The following FRY variants were observed in gnomAD, a reference collection of about 807,000 sequenced individuals.
FRY encodes the protein FRY microtubule binding protein, also known as protein furry homolog.
FRY carries 128 observed loss-of-function variants against 348.4 expected under a neutral mutation model. That is an observed-to-expected ratio of 0.37 (90% CI 0.32 to 0.43). FRY has a LOEUF of 0.43. Among genes scored for constraint, FRY ranks in the 20% least tolerant of loss-of-function variants. FRY has a pLI of 1.00. For missense variants in FRY, 2,736 were observed against 3,695.2 expected, an observed-to-expected ratio of 0.74 and a Z score of 6.73; for synonymous variants, 1,370 against 1,374.7, an observed-to-expected ratio of 1.00 and a Z score of 0.08.
At chr13:32,291,181 C>T (rs1380092983) in intron 59 of FRY, among the ~76,000 whole-genome samples, 1 of 152,016 alleles carries the variant, frequency 6.6e-6, no homozygotes, top group African/African-American at 2.4e-5. Context: ...AGAGGAAGAG[C>T]CACAAGAGAC....
intron 41 of FRY, among the ~76,000 whole-genome samples, chr13:32,232,885 G>C (rs1885996005): frequency 6.6e-6 from 1 of 152,102 alleles, no homozygotes; most frequent in Non-Finnish European, 1.5e-5. Flanking sequence ...CTAGCCTTCA[G>C]GTTCATTGTG....
At chr13:32,052,052 T>C (rs1180112831) in intron 1 of FRY, among the ~76,000 whole-genome samples, 1 of 152,228 alleles carries the variant, frequency 6.6e-6, no homozygotes, top group Non-Finnish European at 1.5e-5. Flanking sequence ...TAGGAGGCAA[T>C]CTGGTATAGC....
chr13:32,275,100 C>A, intron 56 of FRY, 109 bp downstream of exon 56: 2 of 1,009,764 alleles, frequency 2.0e-6, no homozygotes, highest in Non-Finnish European at 1.5e-6. Flanking sequence ...ACCTTCTGGC[C>A]GGGTGCGGTG....
intron 1 of FRY, among the ~76,000 whole-genome samples, chr13:32,032,856 C>T (rs1872313825): frequency 6.6e-6 from 1 of 152,152 alleles, no homozygotes; most frequent in Non-Finnish European, 1.5e-5. Context: ...GTATTATGTG[C>T]ATACTGATTA....
chr13:32,039,081 G>A (rs1872655061), intron 1 of FRY, among the ~76,000 whole-genome samples: 1 of 152,178 alleles, frequency 6.6e-6, no homozygotes, highest in African/African-American at 2.4e-5. Context: ...AAATTTTATT[G>A]TGGGAGAATG....
At chr13:32,098,639 G>A (rs1012574147) in intron 2 of FRY, among the ~76,000 whole-genome samples, 7 of 151,990 alleles carry the variant, frequency 4.6e-5, no homozygotes, top group Non-Finnish European at 1.0e-4. Context: ...TAATGAACAA[G>A]TAGAGACAAC....
chr13:32,147,938 C>A lies in FRY; in HGVS notation c.1383C>A (p.Phe461Leu). The A allele has an allele frequency of 6.4e-7, 1 of 1,571,476 alleles. No homozygotes were observed. The highest frequency in any genetic ancestry group is 8.8e-7 in the Non-Finnish European group (1 of 1,141,110). ...PLNIFVKIIQ[F>L]IAQERLDFAM... ...ACATCTTTGTGAAAATCATCCAGTT[C>A]ATTGCCCAGGTAATGGAGAAGATTC... is the stretch of plus-strand genomic sequence containing the variant. Residue 461 changes from phenylalanine (F) to leucine (L), a missense_variant, in exon 13 of 61, where the codon TTC (phenylalanine) becomes TTA (leucine). Phe to Leu is a conservative substitution (Grantham distance 22). Around this residue, in one of 9 missense-constraint regions of FRY, gnomAD observed 191 missense variants for 370.2 expected, o/e 0.52. Transcript: ENST00000542859.
intron 1 of FRY, among the ~76,000 whole-genome samples, chr13:32,039,441 A>ATGTC (rs1271944886): frequency 2.0e-5 from 3 of 151,872 alleles, no homozygotes; most frequent in Non-Finnish European, 4.4e-5. Context: ...GAGAAGGGCT[A>ATGTC]TGTCTGTCTG....
chr13:32,257,922 G>T (rs760390583), intron 51 of FRY: 13 of 1,562,308 alleles, frequency 8.3e-6, no homozygotes, highest in South Asian at 1.1e-5. Flanking sequence ...ATTGTAAATA[G>T]ACCTTTTGTT....
Position 32,289,579 on chromosome 13 carries a change from A to G in FRY, c.8470-54A>G. The G allele has an allele frequency of 4.7e-6, 5 of 1,056,804 alleles. No individual in the cohort carries two copies. The Admixed American group carries it at 5.1e-5, about 11-fold the overall frequency. 65.5% of individuals were successfully genotyped at this position (1,056,804 alleles called of 1,614,324 possible). A position where few individuals can be genotyped will look rare whatever the true frequency, so the allele number is the denominator to read the frequency against. ...TCTCCATTGAGATTTCACTAGTTAT[A>G]TGTGAATGATCTTTAACAATAACTG... On this transcript the variant is annotated intron_variant, in intron 58 of 60. Coordinates refer to ENST00000542859, the MANE Select transcript of FRY (RefSeq NM_023037.3).
intron 46 of FRY, among the ~76,000 whole-genome samples, chr13:32,242,042 T>C (rs1384115330): frequency 6.6e-5 from 10 of 152,244 alleles, no homozygotes; most frequent in Admixed American, 1.3e-4. Flanking sequence ...GAGTGCTGTT[T>C]TAAATAACTC....
chr13:32,174,148 A>C (rs1025679389), intron 19 of FRY, among the ~76,000 whole-genome samples: 1 of 152,258 alleles, frequency 6.6e-6, no homozygotes, highest in East Asian at 1.9e-4. Context: ...AACCAAATGC[A>C]TAATTTGATG....
chr13:32,174,004 C>T (rs1882239479), intron 19 of FRY, among the ~76,000 whole-genome samples: 1 of 152,258 alleles, frequency 6.6e-6, no homozygotes, highest in South Asian at 2.1e-4. Context: ...AAAACACGTC[C>T]TCTTGAAATG....
chr13:32,207,939 A>G (rs547068821), intron 31 of FRY, among the ~76,000 whole-genome samples: 2 of 152,350 alleles, frequency 1.3e-5, no homozygotes, highest in Non-Finnish European at 2.9e-5. Context: ...TCTTCTCTAG[A>G]TATGAGAGAT....
chr13:32,052,193 T>G (rs1449341108), intron 1 of FRY, among the ~76,000 whole-genome samples: 1 of 152,202 alleles, frequency 6.6e-6, no homozygotes, highest in Non-Finnish European at 1.5e-5. Flanking sequence ...GGTGACCACC[T>G]CCCAGTCTCA....
chr13:32,149,864 C>G (rs762655919), intron 14 of FRY, 30 bp downstream of exon 14: 2 of 1,306,032 alleles, frequency 1.5e-6, no homozygotes, highest in Admixed American at 3.4e-5. Context: ...GTACTTCTAA[C>G]AGAGCATGTC....
intron 42 of FRY, 59 bp from the exon 43 acceptor site, chr13:32,236,019 C>G: frequency 8.9e-7 from 1 of 1,129,896 alleles, no homozygotes; most frequent in Non-Finnish European, 1.4e-6. Flanking sequence ...TTAAATTTAT[C>G]TTAGGAAATT....
intron 54 of FRY, among the ~76,000 whole-genome samples, chr13:32,266,318 A>G (rs1593823128): frequency 6.6e-6 from 1 of 152,120 alleles, no homozygotes; most frequent in Admixed American, 6.5e-5. Context: ...GAAGAATTTG[A>G]CCTTTCATTT....
At chr13:32,209,176 C>A in intron 32 of FRY, 67 bp downstream of exon 32, 1 of 1,560,708 alleles carries the variant, frequency 6.4e-7, no homozygotes, top group South Asian at 1.1e-5. Context: ...CTGGGTTAGT[C>A]AAACCCCGGG....
Sources: gnomAD v4.1 joint callset for allele counts (sites outside exome capture counted in the v4.1 genomes callset) on GRCh38, gnomAD v4.1.1 for gene constraint, gnomAD v4.1.1 regional missense constraint, MANE v1.5 for transcripts, NCBI Gene and HGNC (gene_info 2026-07-23, HGNC 2026-07-21) for gene names.